The following CCT4 variants were observed in gnomAD, a reference collection of about 807,000 sequenced individuals.
CCT4 encodes chaperonin containing TCP1 subunit 4.
CCT4 carries 17 observed loss-of-function variants against 62.5 expected under a neutral mutation model. That is an observed-to-expected ratio of 0.27 (90% CI 0.19 to 0.41). CCT4 has a LOEUF of 0.41. Among genes scored for constraint, CCT4 ranks in the 10% least tolerant of loss-of-function variants. The pLI, the probability that CCT4 is intolerant of heterozygous loss-of-function variation, is 1.00. For synonymous variants in CCT4, 250 were observed against 229.9 expected (o/e 1.09, Z -0.79); for missense variants, 592 against 659.2 (o/e 0.90, Z 1.12).
intron 2 of CCT4, 58 bp from the exon 3 acceptor site, chr2:61,883,606 CT>C: frequency 2.4e-6 from 2 of 831,258 alleles, no homozygotes; most frequent in Non-Finnish European, 3.8e-6. Flanking sequence ...TTTTATTAAA[CT>C]TTTACATTTC....
Position 61,885,072 on chromosome 2 carries a change from G to T in CCT4, c.128C>A (p.Ala43Glu). ...IRFSNISAAK[A>E]VADAIRTSLG... ...GCTTGTTCTAATAGCATCAGCAACC[G>T]CTGCAGATGGGGGGGAAAAAAAAGA... is the stretch of plus-strand genomic sequence containing the variant. The change falls in exon 2 of 14, where the codon GCG becomes GAG. Residue 43 changes from alanine to glutamate, a missense_variant and splice_region_variant. Ala to Glu is a moderately radical substitution (Grantham distance 107). Coordinates refer to ENST00000394440, the MANE Select transcript of CCT4 (RefSeq NM_006430.4). The T allele has an allele frequency of 6.5e-7, 1 of 1,531,484 alleles. No homozygotes were observed. Among genetic ancestry groups the T allele is most frequent in the Non-Finnish European group, 8.7e-7 (1 of 1,150,256 alleles). 94.9% of individuals were successfully genotyped at this position (1,531,484 alleles called of 1,614,324 possible).
rs143199523 is a variant in CCT4 at position 61,886,356 on chromosome 2, G to A, written c.128-1284C>T. ...GAACCCAGGAGGCAGAAGTTGCAAT[G>A]AGCAGAGATCACACCACTGCACTCC... is the stretch of plus-strand genomic sequence containing the variant. On this transcript the variant is annotated intron_variant, in intron 1 of 13. Transcript: ENST00000394440. Among the ~76,000 whole-genome samples the A allele has an allele frequency of 5.0e-3, 757 of 152,302 alleles. 3 individuals are homozygous for A. Among genetic ancestry groups the A allele is most frequent in the African/African-American group, 0.018 (737 of 41,546 alleles).
Sources: gnomAD v4.1 joint callset for allele counts (sites outside exome capture counted in the v4.1 genomes callset) on GRCh38, gnomAD v4.1.1 for gene constraint, MANE v1.5 for transcripts, NCBI Gene and HGNC (gene_info 2026-07-23, HGNC 2026-07-21) for gene names.